The following RUNX1 variants were observed in gnomAD, a reference collection of about 807,000 sequenced individuals.
RUNX1 encodes the protein runt-related transcription factor 1.
Under a neutral mutation model 42.8 loss-of-function variants are expected in RUNX1, and 19 were observed. The ratio of observed to expected loss-of-function variants is 0.44; its 90% CI spans 0.31 to 0.65. RUNX1 has a LOEUF of 0.65. Among genes scored for constraint, RUNX1 ranks in the 30% least tolerant of loss-of-function variants. The pLI is 0.07. For synonymous variants in RUNX1, 271 were observed against 289.4 expected (o/e 0.94, Z 0.64); for missense variants, 528 against 672.0 (o/e 0.79, Z 2.37).
At chr21:34,832,290 C>T (rs1196996529) in intron 7 of RUNX1, among the ~76,000 whole-genome samples, 10 of 152,098 alleles carry the variant, frequency 6.6e-5, no homozygotes, top group South Asian at 4.2e-4. Flanking sequence ...TGTGCAACTT[C>T]CCCCCATTTT....
intron 2 of RUNX1, among the ~76,000 whole-genome samples, chr21:34,986,278 CTA>C (rs1267311198): frequency 6.6e-6 from 1 of 151,816 alleles, no homozygotes; most frequent in Non-Finnish European, 1.5e-5. Context: ...ACACTGGGTC[CTA>C]TGTCAAAGGC....
chr21:35,047,384 T>G (rs551683090), intron 2 of RUNX1, among the ~76,000 whole-genome samples: 1 of 152,230 alleles, frequency 6.6e-6, no homozygotes, highest in Admixed American at 6.5e-5. Context: ...CACGTCTGCA[T>G]GATTCAACTT....
At chr21:35,001,333 T>TAC (rs1491024556) in intron 2 of RUNX1, among the ~76,000 whole-genome samples, 10 of 142,342 alleles carry the variant, frequency 7.0e-5, no homozygotes, top group Admixed American at 2.1e-4. Context: ...TATATATATA[T>TAC]ACGCATATAT....
At chr21:34,859,724 C>T in intron 5 of RUNX1, 146 bp from the exon 6 acceptor site, 1 of 748,910 alleles carries the variant, frequency 1.3e-6, no homozygotes, top group Admixed American at 1.9e-5. Context: ...GGCTTTGCTT[C>T]AATTCTGGAA....
intron 2 of RUNX1, among the ~76,000 whole-genome samples, chr21:34,908,391 T>TA (rs2058242166): frequency 6.6e-6 from 1 of 152,044 alleles, no homozygotes; most frequent in Admixed American, 6.5e-5. Context: ...GAACTGAAAG[T>TA]AAGGGAGGAA....
At chr21:34,968,600 T>C (rs918811767) in intron 2 of RUNX1, among the ~76,000 whole-genome samples, 12 of 152,152 alleles carry the variant, frequency 7.9e-5, no homozygotes, top group Non-Finnish European at 1.8e-4. Context: ...TGATTGTCTA[T>C]ACTAATATCA....
chr21:35,031,020 A>G (rs1392850774), intron 2 of RUNX1, among the ~76,000 whole-genome samples: 1 of 152,246 alleles, frequency 6.6e-6, no homozygotes, highest in Admixed American at 6.5e-5. Flanking sequence ...ACAGTGAGCT[A>G]TCACCTCACA....
chr21:34,856,437 G>A (rs192551369), intron 6 of RUNX1: 60 of 518,938 alleles, frequency 1.2e-4, no homozygotes, highest in Admixed American at 3.9e-4. Context: ...ACCGAGGCCA[G>A]GTCAAAGAGT....
At chr21:34,888,641 C>T (rs1360972643) in intron 3 of RUNX1, 1 of 1,052,780 alleles carries the variant, frequency 9.5e-7, no homozygotes. Flanking sequence ...GGTGCCCTGG[C>T]TGGGTCCGGC....
chr21:34,909,588 C>CAAAAAAAAAAAAAAAAAAAAAAAA lies in RUNX1; in HGVS notation c.59-16626_59-16625insTTTTTTTTTTTTTTTTTTTTTTTT, dbSNP rs10584066. 3.5e-4 allele frequency among the ~76,000 whole-genome samples: 26 copies of CAAAAAAAAAAAAAAAAAAAAAAAA among 75,020 alleles called. 3 individuals are homozygous for CAAAAAAAAAAAAAAAAAAAAAAAA. The highest frequency in any genetic ancestry group is 1.4e-3 in the African/African-American group (23 of 16,000). 49.2% of individuals were successfully genotyped at this position (75,020 alleles called of 152,430 possible). A position where few individuals can be genotyped will look rare whatever the true frequency, so the allele number is the denominator to read the frequency against. ...TTATACAGACCAGGTCACTGTTCCT[C>CAAAAAAAAAAAAAAAAAAAAAAAA]AAAAAAAAAAAAAAAAAAAAGATGG... is the stretch of plus-strand genomic sequence containing the variant. On this transcript the variant is annotated intron_variant, in intron 2 of 8. Transcript: ENST00000675419.
intron 7 of RUNX1, chr21:34,821,504 G>C (rs2056907846): frequency 2.0e-6 from 3 of 1,486,136 alleles, no homozygotes; most frequent in African/African-American, 2.8e-5. Flanking sequence ...GTTTGCAGAG[G>C]GGGAGAAGGG....
intron 3 of RUNX1, chr21:34,887,767 A>AT (rs2058020080): frequency 9.4e-7 from 1 of 1,062,236 alleles, no homozygotes; most frequent in South Asian, 4.5e-5. Context: ...TTTAAACACA[A>AT]CAGAAATCCA....
At chr21:34,800,127 A>G (rs1356506009) in intron 7 of RUNX1, among the ~76,000 whole-genome samples, 1 of 152,212 alleles carries the variant, frequency 6.6e-6, no homozygotes, top group Non-Finnish European at 1.5e-5. Flanking sequence ...TCGAGTTTGC[A>G]ACTTTTAAAA....
At chr21:34,962,550 G>T (rs1260220041) in intron 2 of RUNX1, among the ~76,000 whole-genome samples, 1 of 151,660 alleles carries the variant, frequency 6.6e-6, no homozygotes, top group African/African-American at 2.4e-5. Context: ...TCTTAAGATT[G>T]CTCAACCATT....
At chr21:34,834,921 C>G (rs1336229573) in intron 6 of RUNX1, among the ~76,000 whole-genome samples, 1 of 152,088 alleles carries the variant, frequency 6.6e-6, no homozygotes, top group Non-Finnish European at 1.5e-5. Flanking sequence ...GGTGGTGATG[C>G]CGGGAGGGAA....
At chr21:34,909,016 T>C (rs2058249113) in intron 2 of RUNX1, among the ~76,000 whole-genome samples, 2 of 152,180 alleles carry the variant, frequency 1.3e-5, no homozygotes, top group Non-Finnish European at 2.9e-5. Context: ...GATAATGCAA[T>C]AGATTATCCT....
chr21:35,040,227 T>G (rs919660954), intron 2 of RUNX1, among the ~76,000 whole-genome samples: 3 of 152,118 alleles, frequency 2.0e-5, no homozygotes, highest in Non-Finnish European at 2.9e-5. Context: ...TGCACAGAGT[T>G]CAAAGTGCAA....
intron 2 of RUNX1, among the ~76,000 whole-genome samples, chr21:34,995,865 C>T (rs180942543): frequency 3.9e-5 from 6 of 152,298 alleles, no homozygotes; most frequent in Admixed American, 3.3e-4. Context: ...TTCTCTGTCT[C>T]TCCTCTGCCT....
At chr21:34,989,127 A>G (rs1352191356) in intron 2 of RUNX1, among the ~76,000 whole-genome samples, 1 of 151,556 alleles carries the variant, frequency 6.6e-6, no homozygotes, top group Admixed American at 6.6e-5. Flanking sequence ...TCCTGCCTCA[A>G]TCTCCTGAGT....
Sources: gnomAD v4.1 joint callset for allele counts (sites outside exome capture counted in the v4.1 genomes callset) on GRCh38, gnomAD v4.1.1 for gene constraint, MANE v1.5 for transcripts, NCBI Gene and HGNC (gene_info 2026-07-23, HGNC 2026-07-21) for gene names.